The following DNAH8 variants were observed in gnomAD, a reference collection of about 807,000 sequenced individuals.
The protein encoded by DNAH8 is dynein axonemal heavy chain 8, also known as axonemal beta dynein heavy chain 8.
Under a neutral mutation model 562.1 loss-of-function variants are expected in DNAH8, and 382 were observed. The ratio of observed to expected loss-of-function variants is 0.68; its 90% CI spans 0.63 to 0.74. The LOEUF (loss-of-function observed/expected upper bound fraction) is 0.74, where lower values mean the gene tolerates loss of function less well. DNAH8 is among the 30% of genes least tolerant of loss of function. DNAH8 has a pLI of 0.00. For synonymous variants in DNAH8, 1,881 were observed against 1,919.4 expected (o/e 0.98, Z 0.52); for missense variants, 5,203 against 5,620.4 (o/e 0.93, Z 2.37).
chr6:38,775,731 A>C, intron 12 of DNAH8, 23 bp from the exon 13 acceptor site: 1 of 1,505,148 alleles, frequency 6.6e-7, no homozygotes, highest in Non-Finnish European at 9.1e-7. Context: ...TTAAAAAAGC[A>C]AAATAACATT....
In DNAH8 at chr6:38,886,923, G is replaced by A; in HGVS notation, c.8392G>A (p.Asp2798Asn). ...GATCCACCCTGGAGGTGGTCGAAAT[G>A]ATATTCCACAACGTTTAAAAAGACA... The part of the protein sequence containing the change: ...AMIHPGGGRN[D>N]IPQRLKRQFT... The change falls in exon 57 of 93, where the codon GAT (aspartate) becomes AAT (asparagine). Residue 2798 changes from aspartate (D) to asparagine (N), a missense_variant. Physicochemically the swap from Asp to Asn is conservative, Grantham distance 23. Transcript: ENST00000327475. 6.2e-7 allele frequency: 1 copy of A among 1,614,016 alleles called. No individual in the cohort carries two copies. Among genetic ancestry groups the A allele is most frequent in the Non-Finnish European group, 8.5e-7 (1 of 1,179,924 alleles).
chr6:38,715,931 T>TATAA lies in DNAH8; in HGVS notation c.-35+519_-35+520insAATA, dbSNP rs1762262595. Among the ~76,000 whole-genome samples the TATAA allele has an allele frequency of 7.6e-5, 2 of 26,430 alleles. 1 individual carries two copies. Among genetic ancestry groups the TATAA allele is most frequent in the African/African-American group, 3.5e-4 (2 of 5,678 alleles). 17.3% of individuals were successfully genotyped at this position (26,430 alleles called of 152,430 possible). A position where few individuals can be genotyped will look rare whatever the true frequency, so the allele number is the denominator to read the frequency against. On this transcript the variant is annotated intron_variant, in intron 1 of 92. Coordinates refer to ENST00000327475, the MANE Select transcript of DNAH8 (RefSeq NM_001206927.2). ...ATAAATAAATAAATAAATAAATATA[T>TATAA]ATATATATATATATATATATATATA...
At chr6:38,921,039 T>C (rs1781663569) in intron 70 of DNAH8, among the ~76,000 whole-genome samples, 1 of 152,092 alleles carries the variant, frequency 6.6e-6, no homozygotes, top group South Asian at 2.1e-4. Context: ...TACAGGTGCA[T>C]GCCACCATAC....
At chr6:39,019,411 G>A (rs953107039) in intron 91 of DNAH8, among the ~76,000 whole-genome samples, 2 of 152,206 alleles carry the variant, frequency 1.3e-5, no homozygotes, top group East Asian at 1.9e-4. Flanking sequence ...GCAAGAAGAT[G>A]TTGGTGGAGA....
At position 38,717,133 on chromosome 6, in the gene DNAH8, G is replaced by A. The variant is rs550849383; in HGVS notation, c.-35+1718G>A. 3.9e-5 allele frequency among the ~76,000 whole-genome samples: 6 copies of A among 152,250 alleles called. No homozygotes were observed. In the East Asian group the frequency reaches 1.2e-3, roughly 29 times the overall value. ...AGGCTGAGGTAGGAGGATCGCTTGA[G>A]CCCAGGAGGTGAGGACTGCAATGAG... is the stretch of plus-strand genomic sequence containing the variant. On this transcript the variant is annotated intron_variant, in intron 1 of 92. Coordinates refer to ENST00000327475, the MANE Select transcript of DNAH8 (RefSeq NM_001206927.2).
rs761065489 is a variant in DNAH8, at chr6:38,917,218, G to A, written c.10141-21G>A. 2.5e-5 allele frequency: 39 copies of A among 1,533,230 alleles called. No homozygotes were observed. In the Middle Eastern group the frequency reaches 8.7e-4, roughly 34 times the overall value. The allele number at this position is 1,533,230 out of a possible 1,614,324, so 95.0% of individuals were successfully genotyped here. A position where few individuals can be genotyped will look rare whatever the true frequency, so the allele number is the denominator to read the frequency against. ...AATACCACTCAACAAACAAAATATT[G>A]ATCCTTAATCCCAAATATAGACTAT... On this transcript the variant is annotated intron_variant, in intron 68 of 92. Transcript: ENST00000327475.
intron 82 of DNAH8, among the ~76,000 whole-genome samples, chr6:38,962,323 G>A (rs549800033): frequency 1.3e-5 from 2 of 152,136 alleles, no homozygotes; most frequent in African/African-American, 4.8e-5. Flanking sequence ...AAATGGACAA[G>A]AATAGCTAAG....
In DNAH8 at chr6:38,868,185, C is replaced by T. The variant is rs758431647; in HGVS notation, c.6817C>T (p.Leu2273Phe). 1 of 1,604,424 alleles carries T rather than the reference C, an allele frequency of 6.2e-7. No individual in the cohort carries two copies. The highest frequency in any genetic ancestry group is 8.5e-7 in the Non-Finnish European group (1 of 1,177,546). The stretch of plus-strand genomic sequence containing the variant: ...CATGAGAGGACTAAGAGATATGAAC[C>T]TTTCCAAACTGGTATCTTCTCTGAA... ...IVMRGLRDMN[L>F]SKLVDEDEPL... Residue 2273 changes from leucine to phenylalanine, a missense_variant, in exon 48 of 93, where the codon CTT becomes TTT. Physicochemically the swap from Leu to Phe is conservative, Grantham distance 22. Transcript: ENST00000327475.
At chr6:38,813,977 C>T (rs1772022705) in intron 24 of DNAH8, 77 bp from the exon 25 acceptor site, 1 of 1,040,468 alleles carries the variant, frequency 9.6e-7, no homozygotes, top group South Asian at 1.4e-5. Flanking sequence ...ATTGTTCGGA[C>T]TGAATTTTGT....
chr6:38,965,903 T>C (rs763504375), intron 82 of DNAH8, among the ~76,000 whole-genome samples: 13 of 152,158 alleles, frequency 8.5e-5, no homozygotes, highest in East Asian at 1.9e-4. Context: ...TCACCTTATA[T>C]TAAATGAAGA....
intron 38 of DNAH8, 54 bp downstream of exon 38, chr6:38,850,468 C>T: frequency 6.7e-7 from 1 of 1,497,698 alleles, no homozygotes; most frequent in Non-Finnish European, 9.2e-7. Context: ...AGTGTTTTAT[C>T]CCAAACTTAC....
intron 24 of DNAH8, among the ~76,000 whole-genome samples, chr6:38,812,964 A>G (rs1771930726): frequency 6.6e-6 from 1 of 152,190 alleles, no homozygotes; most frequent in African/African-American, 2.4e-5. Flanking sequence ...CTGGTAATCT[A>G]TGGAAAGTGG....
At chr6:38,927,953 T>C (rs1782245035) in intron 74 of DNAH8, 1 of 152,212 alleles carries the variant, frequency 6.6e-6, no homozygotes, top group African/African-American at 2.4e-5. Context: ...AACATTATTT[T>C]CTTATGTGGA....
chr6:38,881,922 C>T (rs531494379), intron 53 of DNAH8, among the ~76,000 whole-genome samples: 1 of 152,278 alleles, frequency 6.6e-6, no homozygotes, highest in East Asian at 1.9e-4. Context: ...TCTTTTCCGT[C>T]TTTTCAGTTG....
At chr6:39,011,604 T>C (rs1766213868) in intron 89 of DNAH8, among the ~76,000 whole-genome samples, 1 of 152,246 alleles carries the variant, frequency 6.6e-6, no homozygotes, top group African/African-American at 2.4e-5. Context: ...TGTATTGATC[T>C]CTTCAAAATA....
chr6:38,796,286 G>A (rs1369575356), intron 21 of DNAH8, among the ~76,000 whole-genome samples: 5 of 152,120 alleles, frequency 3.3e-5, no homozygotes, highest in African/African-American at 1.2e-4. Flanking sequence ...TGAGATAGCA[G>A]TGCTGGCTGG....
chr6:38,982,589 G>GC, intron 86 of DNAH8, 127 bp downstream of exon 86: 1 of 610,466 alleles, frequency 1.6e-6, no homozygotes, highest in Non-Finnish European at 2.9e-6. Context: ...GAAGGGACTT[G>GC]TTGCTGTAAT....
intron 30 of DNAH8, among the ~76,000 whole-genome samples, 181 bp downstream of exon 30, chr6:38,828,469 C>A (rs1773558825): frequency 6.6e-6 from 1 of 152,078 alleles, no homozygotes; most frequent in Non-Finnish European, 1.5e-5. Flanking sequence ...TTTTACTGAT[C>A]CTTTTCTATA....
rs1247075420 is a variant in DNAH8 at position 38,973,867 on chromosome 6, T to C, written c.12678+54T>C. 7 of 1,437,584 alleles carry C rather than the reference T, an allele frequency of 4.9e-6. No homozygotes were observed. In the African/African-American group the frequency reaches 7.1e-5, roughly 15 times the overall value. The allele number at this position is 1,437,584 out of a possible 1,614,324, so 89.1% of individuals were successfully genotyped here. On this transcript the variant is annotated intron_variant, in intron 84 of 92. Transcript: ENST00000327475. ...AGTCATAGTAATAAAGATGACATCA[T>C]TGACATTGTTGAAAGATGGGAACAC... is the stretch of plus-strand genomic sequence containing the variant.
Sources: allele counts gnomAD v4.1 joint callset (sites outside exome capture counted in the v4.1 genomes callset), GRCh38; gene constraint gnomAD v4.1.1; transcripts MANE v1.5; gene names NCBI Gene and HGNC (gene_info 2026-07-23, HGNC 2026-07-21).